Variants in CSMD1 observed in about 807,000 individuals in gnomAD.
The protein encoded by CSMD1 is CUB and sushi domain-containing protein 1.
In CSMD1, 213 loss-of-function variants were observed where a neutral mutation model predicts 417.5. The ratio of observed to expected loss-of-function variants is 0.51; its 90% CI spans 0.46 to 0.57. The LOEUF (loss-of-function observed/expected upper bound fraction) is 0.57, where lower values mean the gene tolerates loss of function less well. Among genes scored for constraint, CSMD1 ranks in the 20% least tolerant of loss-of-function variants. The probability of loss-of-function intolerance (pLI) is 0.00; values close to 1 mark genes in which losing one functional copy is unlikely to be tolerated. For missense variants in CSMD1, 6,923 were observed against 4,529.7 expected (o/e 1.53, Z -15.17); for synonymous variants, 2,862 against 1,736.8 (o/e 1.65, Z -16.11).
intron 5 of CSMD1, among the ~76,000 whole-genome samples, chr8:3,786,997 C>T (rs1799489418): frequency 6.6e-6 from 1 of 152,104 alleles, no homozygotes; most frequent in African/African-American, 2.4e-5. Context: ...GGCATGGAAG[C>T]TGAGGGTCAG....
intron 4 of CSMD1, among the ~76,000 whole-genome samples, chr8:4,007,074 G>A (rs556973596): frequency 6.6e-6 from 1 of 152,016 alleles, no homozygotes; most frequent in Non-Finnish European, 1.5e-5. Context: ...TCCTCACTTC[G>A]TGATCCAGCC....
chr8:4,444,577 C>G (rs1294851403), intron 2 of CSMD1, among the ~76,000 whole-genome samples: 1 of 151,824 alleles, frequency 6.6e-6, no homozygotes, highest in Admixed American at 6.6e-5. Context: ...TAAAGCAGCT[C>G]CAGAACATGA....
intron 6 of CSMD1, among the ~76,000 whole-genome samples, chr8:3,726,053 G>A (rs1802476772): frequency 6.6e-6 from 1 of 152,148 alleles, no homozygotes; most frequent in African/African-American, 2.4e-5. Flanking sequence ...GCAGCTCTCA[G>A]GAAATCAACA....
At chr8:3,578,143 G>A (rs759440106) in intron 9 of CSMD1, among the ~76,000 whole-genome samples, 1 of 152,182 alleles carries the variant, frequency 6.6e-6, no homozygotes, top group Non-Finnish European at 1.5e-5. Context: ...CCCTCCGTCA[G>A]CTTCCAGCAC....
At chr8:3,736,595 G>T (rs1018139166) in intron 6 of CSMD1, among the ~76,000 whole-genome samples, 2 of 152,228 alleles carry the variant, frequency 1.3e-5, no homozygotes, top group East Asian at 1.9e-4. Flanking sequence ...CCAGGCCCTG[G>T]CTCCTGCAAC....
intron 10 of CSMD1, among the ~76,000 whole-genome samples, chr8:3,526,736 G>A (rs1488493181): frequency 1.3e-5 from 2 of 152,152 alleles, no homozygotes; most frequent in Non-Finnish European, 2.9e-5. Flanking sequence ...CCTTCAATAA[G>A]TTACTTACCC....
chr8:3,569,767 C>T (rs950982885), intron 10 of CSMD1, among the ~76,000 whole-genome samples: 1 of 152,168 alleles, frequency 6.6e-6, no homozygotes, highest in African/African-American at 2.4e-5. Flanking sequence ...GCAATGGCTG[C>T]TGCTTAATTT....
intron 7 of CSMD1, among the ~76,000 whole-genome samples, chr8:3,664,908 C>T (rs544627751): frequency 4.1e-4 from 63 of 152,234 alleles, no homozygotes; most frequent in African/African-American, 1.5e-3. Flanking sequence ...AAATACATCA[C>T]AATTTCTCAG....
intron 7 of CSMD1, among the ~76,000 whole-genome samples, chr8:3,658,953 T>C (rs138667169): frequency 1.3e-5 from 2 of 152,324 alleles, no homozygotes; most frequent in Non-Finnish European, 2.9e-5. Flanking sequence ...AAAATATAAC[T>C]TTCATATGCT....
At chr8:4,750,406 G>C (rs1811238649) in intron 1 of CSMD1, among the ~76,000 whole-genome samples, 2 of 152,150 alleles carry the variant, frequency 1.3e-5, no homozygotes, top group South Asian at 4.1e-4. Flanking sequence ...AATTTCCTTA[G>C]GATAAATATG....
chr8:3,158,277 A>AT (rs34501639), intron 38 of CSMD1, among the ~76,000 whole-genome samples: 18,106 of 150,202 alleles, frequency 0.12, 1,557 homozygotes, highest in East Asian at 0.34. Context: ...CAAAATATGC[A>AT]TTTTTTTTTT....
intron 2 of CSMD1, among the ~76,000 whole-genome samples, chr8:4,486,941 C>G (rs1801445547): frequency 6.6e-6 from 1 of 152,084 alleles, no homozygotes. Context: ...CAGGCAGGGT[C>G]CTAAATGGTA....
intron 2 of CSMD1, among the ~76,000 whole-genome samples, chr8:4,604,586 C>T (rs1478064623): frequency 2.0e-5 from 3 of 151,968 alleles, no homozygotes; most frequent in African/African-American, 4.8e-5. Context: ...CAACAGAATA[C>T]CTAGCTTAAA....
At chr8:4,097,211 G>C (rs1559569) in intron 3 of CSMD1, among the ~76,000 whole-genome samples, 52,548 of 151,988 alleles carry the variant, frequency 0.35, 9,354 homozygotes, top group East Asian at 0.45. Context: ...GAATCAAGTA[G>C]CTTGGAAGGA....
rs11330461 is a variant in CSMD1, at chr8:3,968,004, TAAAAA to T, written c.818+29894_818+29898del. On this transcript the variant is annotated intron_variant, in intron 5 of 69. Transcript: ENST00000635120. The stretch of plus-strand genomic sequence containing the variant: ...AACACGGTGAAACCCCGTCACTGCT[TAAAAA>T]AAAAAAAAAAAAAAAAAATTACAAA... Among the ~76,000 whole-genome samples the T allele has an allele frequency of 2.9e-3, 285 of 98,890 alleles. 1 individual carries two copies. Among genetic ancestry groups the T allele is most frequent in the African/African-American group, 0.012 (268 of 22,982 alleles). The allele number at this position is 98,890 out of a possible 152,430, so 64.9% of individuals were successfully genotyped here.
intron 23 of CSMD1, among the ~76,000 whole-genome samples, chr8:3,319,930 A>G (rs932587606): frequency 6.6e-6 from 1 of 152,202 alleles, no homozygotes; most frequent in Non-Finnish European, 1.5e-5. Flanking sequence ...TAATGGAGAA[A>G]TAGCAGCTCT....
intron 12 of CSMD1, among the ~76,000 whole-genome samples, chr8:3,418,035 T>C (rs1470399161): frequency 6.6e-6 from 1 of 152,184 alleles, no homozygotes; most frequent in Non-Finnish European, 1.5e-5. Context: ...CTTGTTAAAA[T>C]GATGTGTGAT....
intron 3 of CSMD1, among the ~76,000 whole-genome samples, chr8:4,249,079 C>T (rs750222243): frequency 3.9e-5 from 6 of 152,170 alleles, no homozygotes; most frequent in Non-Finnish European, 5.9e-5. Context: ...CTGTTAGGCA[C>T]TCATGATCAC....
At chr8:3,829,586 G>C (rs1802253290) in intron 5 of CSMD1, among the ~76,000 whole-genome samples, 1 of 152,142 alleles carries the variant, frequency 6.6e-6, no homozygotes, top group Non-Finnish European at 1.5e-5. Context: ...CCAGTACTTA[G>C]AATAATGATG....
Sources: gnomAD v4.1 joint callset for allele counts (sites outside exome capture counted in the v4.1 genomes callset) on GRCh38, gnomAD v4.1.1 for gene constraint, MANE v1.5 for transcripts, NCBI Gene and HGNC (gene_info 2026-07-23, HGNC 2026-07-21) for gene names.